The following DNAH2 variants were observed in gnomAD, a reference collection of about 807,000 sequenced individuals.
DNAH2 encodes dynein axonemal heavy chain 2, also known as axonemal beta dynein heavy chain 2.
DNAH2 carries 323 observed loss-of-function variants against 523.5 expected under a neutral mutation model. That is an observed-to-expected ratio of 0.62 (90% CI 0.56 to 0.68). The LOEUF (loss-of-function observed/expected upper bound fraction) is 0.68, where lower values mean the gene tolerates loss of function less well. Ranked by LOEUF, DNAH2 falls within the 30% of genes least tolerant of loss-of-function variation. The pLI is 0.00. For synonymous variants in DNAH2, 2,093 were observed against 2,177.4 expected (o/e 0.96, Z 1.08); for missense variants, 4,907 against 5,701.5 (o/e 0.86, Z 4.49).
chr17:7,740,393 C>T (rs774161415), intron 9 of DNAH2, 27 bp from the exon 10 acceptor site: 1 of 1,612,564 alleles, frequency 6.2e-7, no homozygotes, highest in Non-Finnish European at 8.5e-7. Flanking sequence ...GGGCACTCAG[C>T]TGCCACATGC....
In DNAH2 at chr17:7,719,762, C is replaced by A. The variant is rs1208934070; in HGVS notation, c.28C>A (p.Arg10=). The part of the protein sequence containing the change: MSSKAEKKQ[R]LSGRGSSQAS... ...GTCCAGCAAAGCTGAGAAGAAGCAG[C>A]GATTGAGTGGCCGAGGAAGCTCCCA... The change falls in exon 2 of 86, where the codon CGA becomes AGA. Residue 10 remains arginine, a synonymous_variant. Coordinates refer to ENST00000572933, the MANE Select transcript of DNAH2 (RefSeq NM_020877.5). 6.2e-7 allele frequency: 1 copy of A among 1,614,068 alleles called. No homozygotes were observed. The highest frequency in any genetic ancestry group is 2.2e-5 in the East Asian group (1 of 44,896).
intron 58 of DNAH2, among the ~76,000 whole-genome samples, chr17:7,803,412 T>G (rs76369172): frequency 6.6e-6 from 1 of 152,218 alleles, no homozygotes; most frequent in African/African-American, 2.4e-5. Context: ...GACTCACGCC[T>G]GTAATCCCAG....
At chr17:7,784,138 A>G (rs1471785949) in intron 39 of DNAH2, among the ~76,000 whole-genome samples, 2 of 152,200 alleles carry the variant, frequency 1.3e-5, no homozygotes, top group African/African-American at 4.8e-5. Flanking sequence ...CATAATAATA[A>G]AAGTTTCAAC....
chr17:7,760,407 G>A lies in DNAH2; in HGVS notation c.2786-333G>A, dbSNP rs941956857. On this transcript the variant is annotated intron_variant, in intron 17 of 85. Transcript: ENST00000572933. The surrounding 1 kb of genome is among the most constrained non-coding windows in gnomAD (Gnocchi z 4.0). Reference sequence around the variant, plus strand: ...GGGCCAGACTGGGGAAGGGAGCAGGGGCTTGGATGGGGGTTGAGATTAGGT... The same window carrying A: ...GGGCCAGACTGGGGAAGGGAGCAGGAGCTTGGATGGGGGTTGAGATTAGGT... 6.6e-6 allele frequency among the ~76,000 whole-genome samples: 1 copy of A among 151,750 alleles called. No individual in the cohort carries two copies. Among genetic ancestry groups the A allele is most frequent in the African/African-American group, 2.4e-5 (1 of 41,328 alleles).
chr17:7,791,072 GT>G lies in DNAH2; in HGVS notation c.6901-834del, dbSNP rs762609522. Among the ~76,000 whole-genome samples, 721 of 144,576 alleles carry G rather than the reference GT, an allele frequency of 5.0e-3. 1 individual carries two copies. The highest frequency in any genetic ancestry group is 9.8e-3 in the Admixed American group (142 of 14,420). 94.8% of individuals were successfully genotyped at this position (144,576 alleles called of 152,430 possible). ...GGTATCCATAGAAAATATGTTTTTT[GT>G]TTTTTTTTTTGTTTTTGGAGATGGA... On this transcript the variant is annotated intron_variant, in intron 44 of 85. Transcript: ENST00000572933.
rs772038292 is a variant in DNAH2, at chr17:7,823,891, G to A, written c.11387G>A (p.Arg3796His). The change falls in exon 75 of 86, where the codon CGC becomes CAC. Residue 3796 changes from arginine to histidine, a missense_variant. By Grantham distance (29) the Arg-to-His change is conservative (BLOSUM62 0). Around this residue, in one of 3 missense-constraint regions of DNAH2, gnomAD observed 1,851 missense variants for 2,139.4 expected, o/e 0.87. Coordinates refer to ENST00000572933, the MANE Select transcript of DNAH2 (RefSeq NM_020877.5). ...MQRMLIVRSLRQDRVAFCVTS... is the reference protein window; with the variant it reads ...MQRMLIVRSLHQDRVAFCVTS... Reference sequence around the variant, plus strand: ...CGGATGCTGATCGTTCGCTCCCTGCGCCAGGACCGCGTGGCCTTCTGCGTG... The same window carrying A: ...CGGATGCTGATCGTTCGCTCCCTGCACCAGGACCGCGTGGCCTTCTGCGTG... The A allele has an allele frequency of 6.8e-6, 11 of 1,613,964 alleles. No homozygotes were observed. Among genetic ancestry groups the A allele is most frequent in the South Asian group, 3.3e-5 (3 of 91,080 alleles).
intron 8 of DNAH2, chr17:7,737,927 A>G (rs1347494413): frequency 1.4e-6 from 1 of 699,656 alleles, no homozygotes; most frequent in East Asian, 2.7e-5. Context: ...GGTGTCAAGG[A>G]GGTGGGGACA....
chr17:7,723,161 G>A (rs545066220), intron 2 of DNAH2, among the ~76,000 whole-genome samples: 32 of 150,826 alleles, frequency 2.1e-4, no homozygotes, highest in Non-Finnish European at 3.7e-4. Context: ...TAGTAGAGAC[G>A]GGGTTTCACC....
chr17:7,792,420 G>A, intron 46 of DNAH2, 77 bp downstream of exon 46: 1 of 1,470,688 alleles, frequency 6.8e-7, no homozygotes, highest in Non-Finnish European at 9.5e-7. Context: ...ATGGGGCCTA[G>A]AAGCAAAAAT....
rs543965645 is a variant in DNAH2, at chr17:7,798,549, C to G, written c.8399-9C>G. 9.9e-6 allele frequency: 16 copies of G among 1,613,692 alleles called. 1 individual carries two copies. In the Middle Eastern group the frequency reaches 5.0e-4, roughly 51 times the overall value. ...CAGTGAGTTTGTCCTCCTTCCCTCC[C>G]CCGGCCAGATATCAAGCGTCTGTAT... On this transcript the variant is annotated splice_polypyrimidine_tract_variant and intron_variant, in intron 54 of 85. Coordinates refer to ENST00000572933, the MANE Select transcript of DNAH2 (RefSeq NM_020877.5). The surrounding 1 kb of genome is among the most constrained non-coding windows in gnomAD (Gnocchi z 5.5).
intron 42 of DNAH2, 60 bp downstream of exon 42, chr17:7,787,093 G>C (rs548878659): frequency 5.9e-5 from 93 of 1,588,424 alleles, no homozygotes; most frequent in Non-Finnish European, 7.2e-5. Context: ...GGCGTGGGCC[G>C]GGGCTGGGGA....
At chr17:7,733,375 T>C (rs2075046878) in intron 5 of DNAH2, 60 bp downstream of exon 5, 6 of 1,553,762 alleles carry the variant, frequency 3.9e-6, no homozygotes, top group Middle Eastern at 1.7e-4. Flanking sequence ...GTACAACTAG[T>C]GAAGTGGTGG....
Position 7,760,832 on chromosome 17 carries a change from G to T in DNAH2, c.2878G>T (p.Asp960Tyr). Residue 960 changes from aspartate (D) to tyrosine (Y), a missense_variant, in exon 18 of 86, where the codon GAC becomes TAC. Physicochemically the swap from Asp to Tyr is radical, Grantham distance 160. This residue lies in a region of DNAH2 where 2,806 missense variants were observed against 3,190.8 expected (regional missense o/e 0.88). Transcript: ENST00000572933. This position sits in a 1 kb window ranked among gnomAD's most constrained non-coding sequence, Gnocchi z 4.0. ...SLLQNYLKTW[D>Y]MYREIWEINK... ...GCTGCAGAACTACCTCAAGACCTGG[G>T]ACATGTACCGGGAGATCTGGGAGAT... 4.3e-6 allele frequency: 7 copies of T among 1,614,204 alleles called. No homozygotes were observed. Among genetic ancestry groups the T allele is most frequent in the Non-Finnish European group, 5.9e-6 (7 of 1,180,046 alleles).
intron 63 of DNAH2, among the ~76,000 whole-genome samples, chr17:7,809,985 C>T (rs1174510299): frequency 5.9e-4 from 89 of 151,744 alleles, no homozygotes; most frequent in Non-Finnish European, 1.2e-4. Flanking sequence ...CACCGTGCCC[C>T]GAAATGTACC....
At position 7,830,884 on chromosome 17, in the gene DNAH2, A is replaced by G. The variant is rs755282100; in HGVS notation, c.12230+42A>G. On this transcript the variant is annotated intron_variant, in intron 79 of 85. Coordinates refer to ENST00000572933, the MANE Select transcript of DNAH2 (RefSeq NM_020877.5). ...CCTGGACAGGGAGCCAGAGGTCACA[A>G]GTCAGCCAGGTGGTGGGATCAGGGG... 5 of 1,610,834 alleles carry G rather than the reference A, an allele frequency of 3.1e-6. No homozygotes were observed. The South Asian group carries it at 3.3e-5, about 11-fold the overall frequency.
chr17:7,737,294 T>C (rs947200559), intron 8 of DNAH2, 36 bp downstream of exon 8: 1 of 1,599,000 alleles, frequency 6.3e-7, no homozygotes, highest in South Asian at 1.1e-5. Flanking sequence ...GAGGGGTTTA[T>C]GAGGGTGGCC....
At chr17:7,732,268 C>G (rs1011032980) in intron 4 of DNAH2, among the ~76,000 whole-genome samples, 23 of 151,320 alleles carry the variant, frequency 1.5e-4, no homozygotes, top group African/African-American at 4.9e-4. Context: ...AACCCCGTCT[C>G]TACTAAAAAT....
chr17:7,749,804 G>C (rs2075634454), intron 12 of DNAH2, among the ~76,000 whole-genome samples: 1 of 151,960 alleles, frequency 6.6e-6, no homozygotes, highest in African/African-American at 2.4e-5. Context: ...AGACCAGCCT[G>C]GCCAACATGG....
intron 79 of DNAH2, 113 bp from the exon 80 acceptor site, chr17:7,830,973 G>A: frequency 6.6e-7 from 1 of 1,506,124 alleles, no homozygotes; most frequent in Non-Finnish European, 9.1e-7. Context: ...GGATTGAGAT[G>A]GGGAGCAGGG....
Sources: allele counts gnomAD v4.1 joint callset (sites outside exome capture counted in the v4.1 genomes callset), GRCh38; gene constraint gnomAD v4.1.1; regional missense constraint gnomAD v4.1.1; non-coding constraint Gnocchi (gnomAD v3.1); transcripts MANE v1.5; gene names NCBI Gene and HGNC (gene_info 2026-07-23, HGNC 2026-07-21).